LIMS2: variants seen among roughly 807,000 people sequenced by gnomAD.
The protein encoded by LIMS2 is LIM and senescent cell antigen-like-containing domain protein 2.
Under a neutral mutation model 45.3 loss-of-function variants are expected in LIMS2, and 30 were observed. That is an observed-to-expected ratio of 0.66 (90% CI 0.50 to 0.90). LIMS2 has a LOEUF of 0.90. Among genes scored for constraint, LIMS2 ranks in the 40% least tolerant of loss-of-function variants. The pLI, the probability that LIMS2 is intolerant of heterozygous loss-of-function variation, is 0.00. For synonymous variants in LIMS2, 173 were observed against 188.0 expected, an observed-to-expected ratio of 0.92 and a Z score of 0.65; for missense variants, 485 against 468.7, an observed-to-expected ratio of 1.03 and a Z score of -0.32.
rs1441515651 is a variant in LIMS2 at position 127,664,458 on chromosome 2, AGGGGAGGCGCGGCCGCCT to A, written c.12-6914_12-6897del. The A allele has an allele frequency of 1.3e-5, 16 of 1,185,476 alleles. No individual in the cohort carries two copies. The highest frequency in any genetic ancestry group is 1.6e-5 in the African/African-American group (1 of 62,460). The allele number at this position is 1,185,476 out of a possible 1,614,324, so 73.4% of individuals were successfully genotyped here. On this transcript the variant is annotated intron_variant, in intron 1 of 9. Coordinates refer to ENST00000355119, the MANE Select transcript of LIMS2 (RefSeq NM_001161403.3). The surrounding 1 kb of genome is among the most constrained non-coding windows in gnomAD (Gnocchi z 5.5). ...TGCAGGGGCTATGGGACCACCTCGG[AGGGGAGGCGCGGCCGCCT>A]GGGGCCAGACACCAAGACGGGACGG... is the stretch of plus-strand genomic sequence containing the variant.
At chr2:127,650,436 C>T in intron 4 of LIMS2, 3 of 548,638 alleles carry the variant, frequency 5.5e-6, no homozygotes, top group South Asian at 2.4e-5. Flanking sequence ...GTCCTCCCAG[C>T]TCTGAGGAGC....
intron 6 of LIMS2, chr2:127,641,218 G>T: frequency 1.9e-6 from 1 of 513,586 alleles, no homozygotes; most frequent in Non-Finnish European, 3.5e-6. Context: ...GAATGCCCTG[G>T]GGTCAGCAGA....
chr2:127,660,563 C>T (rs1166566142), intron 1 of LIMS2, among the ~76,000 whole-genome samples: 1 of 152,190 alleles, frequency 6.6e-6, no homozygotes. Context: ...TGAGCCTTCA[C>T]TTCTGAAGTC....
chr2:127,675,895 G>A (rs1178726623), upstream of LIMS2, among the ~76,000 whole-genome samples: 1 of 152,228 alleles, frequency 6.6e-6, no homozygotes, highest in South Asian at 2.1e-4. Context: ...CCCCCGTTGC[G>A]GGCCATCGCC....
At chr2:127,661,415 C>T (rs746545704) in intron 1 of LIMS2, among the ~76,000 whole-genome samples, 1 of 152,242 alleles carries the variant, frequency 6.6e-6, no homozygotes, top group South Asian at 2.1e-4. Context: ...TTCCAGAGTC[C>T]CTCTGCATGG....
Position 127,647,297 on chromosome 2 carries a change from A to T in LIMS2, c.360-4225T>A, listed in dbSNP as rs980486546. On this transcript the variant is annotated intron_variant, in intron 4 of 9. Transcript: ENST00000355119. This position sits in a 1 kb window ranked among gnomAD's most constrained non-coding sequence, Gnocchi z 4.3. ...AACTCCATGGCAAACTCTGAGACTG[A>T]GTCACACTCCCCACCCTGGCGGTCT... Among the ~76,000 whole-genome samples the T allele has an allele frequency of 6.6e-6, 1 of 152,096 alleles. No homozygotes were observed. Among genetic ancestry groups the T allele is most frequent in the Admixed American group, 6.5e-5 (1 of 15,286 alleles).
intron 1 of LIMS2, among the ~76,000 whole-genome samples, chr2:127,669,409 A>G (rs1477155030): frequency 6.6e-6 from 1 of 152,218 alleles, no homozygotes; most frequent in Non-Finnish European, 1.5e-5. Flanking sequence ...GATCCACAGA[A>G]AAGGAAAAAA....
intron 1 of LIMS2, chr2:127,673,942 C>G (rs1003888550): frequency 3.5e-5 from 20 of 572,520 alleles, no homozygotes; most frequent in African/African-American, 3.4e-4. Flanking sequence ...GTCAGGGGAG[C>G]TAACTGGGAA....
At position 127,654,899 on chromosome 2, in the gene LIMS2, G is replaced by A; in HGVS notation, c.172-3C>T. The A allele has an allele frequency of 6.2e-7, 1 of 1,613,728 alleles. No individual in the cohort carries two copies. The highest frequency in any genetic ancestry group is 8.5e-7 in the Non-Finnish European group (1 of 1,179,776). On this transcript the variant is annotated splice_polypyrimidine_tract_variant and splice_region_variant and intron_variant, in intron 2 of 9. Coordinates refer to ENST00000355119, the MANE Select transcript of LIMS2 (RefSeq NM_001161403.3). ...TCGCAGTACTTCCGGCCTTCAAACT[G>A]CAAAGGGGTCGCAGAGAGAGGACAA...
chr2:127,664,855 G>A lies in LIMS2; in HGVS notation c.12-7293C>T, dbSNP rs969726547. ...TCCCTGCCAACAGTTAGGAAACCGA[G>A]GACCGGAGCCACACAGGCCCACATT... On this transcript the variant is annotated intron_variant, in intron 1 of 9. Transcript: ENST00000355119. The surrounding 1 kb of genome is among the most constrained non-coding windows in gnomAD (Gnocchi z 5.5). Among the ~76,000 whole-genome samples the A allele has an allele frequency of 6.6e-6, 1 of 152,200 alleles. No individual in the cohort carries two copies. Among genetic ancestry groups the A allele is most frequent in the Admixed American group, 6.5e-5 (1 of 15,282 alleles).
intron 4 of LIMS2, chr2:127,650,093 A>G: frequency 6.3e-7 from 1 of 1,593,534 alleles, no homozygotes. Context: ...AAAAGAGTAG[A>G]CCTCTGACGT....
intron 4 of LIMS2, chr2:127,650,500 C>T: frequency 3.5e-6 from 2 of 572,278 alleles, no homozygotes; most frequent in South Asian, 4.7e-5. Flanking sequence ...AATTCCAAGC[C>T]CTGGTTCTGC....
chr2:127,640,420 A>G, intron 7 of LIMS2, 102 bp from the exon 8 acceptor site: 2 of 1,287,998 alleles, frequency 1.6e-6, no homozygotes, highest in South Asian at 2.5e-5. Flanking sequence ...CCTCTCAGGC[A>G]TCTCCCAGGC....
At position 127,653,219 on chromosome 2, in the gene LIMS2, G is replaced by A. The variant is rs1683979067; in HGVS notation, c.359+1205C>T. The stretch of plus-strand genomic sequence containing the variant: ...CTCGGTAGTGTCGGGGAAGCATCTC[G>A]GAGGAGCTGCGGGAGGGAGCAGAGT... On this transcript the variant is annotated intron_variant, in intron 4 of 9. Transcript: ENST00000355119. The surrounding 1 kb of genome is among the most constrained non-coding windows in gnomAD (Gnocchi z 5.3). Among the ~76,000 whole-genome samples the A allele has an allele frequency of 6.6e-6, 1 of 152,208 alleles. No individual in the cohort carries two copies.
intron 1 of LIMS2, among the ~76,000 whole-genome samples, chr2:127,660,950 G>T (rs1013224904): frequency 6.6e-6 from 1 of 152,082 alleles, no homozygotes; most frequent in East Asian, 1.9e-4. Flanking sequence ...ATGTGGGGGT[G>T]GCCACCTCCT....
chr2:127,648,036 C>G (rs1419581551), intron 4 of LIMS2: 2 of 985,896 alleles, frequency 2.0e-6, no homozygotes, highest in East Asian at 2.3e-4. Flanking sequence ...GCATCACTCA[C>G]CCCGCCTTCT....
chr2:127,645,475 G>A (rs1240732315), intron 4 of LIMS2, among the ~76,000 whole-genome samples: 10 of 152,328 alleles, frequency 6.6e-5, no homozygotes, highest in African/African-American at 2.2e-4. Flanking sequence ...CCCCAGGGAG[G>A]AGCCCCAGGC....
chr2:127,642,166 C>T lies in LIMS2; in HGVS notation c.543G>A (p.Lys181=). 2 of 1,580,170 alleles carry T rather than the reference C, an allele frequency of 1.3e-6. No homozygotes were observed. The highest frequency in any genetic ancestry group is 1.7e-6 in the Non-Finnish European group (2 of 1,159,136). ...KELTAEAREL[K]GELYCLPCHD... is the part of the protein sequence containing the mutation. ...GGCAGGGCAGGCAGTAGAGCTCACCCTTCAGCTCGCGGGCCTCGGCTGTCA... is the reference window on the plus strand; with the variant it reads ...GGCAGGGCAGGCAGTAGAGCTCACCTTTCAGCTCGCGGGCCTCGGCTGTCA... The change falls in exon 6 of 10, where the codon AAG becomes AAA. Residue 181 remains lysine (K), a synonymous_variant. Coordinates refer to ENST00000355119, the MANE Select transcript of LIMS2 (RefSeq NM_001161403.3). The surrounding 1 kb of genome is among the most constrained non-coding windows in gnomAD (Gnocchi z 5.3).
At chr2:127,674,133 C>T (rs1685403458) in intron 1 of LIMS2, 1 of 199,968 alleles carries the variant, frequency 5.0e-6, no homozygotes, top group Admixed American at 5.4e-5. Context: ...GGACACTGCC[C>T]TGTACCCTCC....
Sources: allele counts gnomAD v4.1 joint callset (sites outside exome capture counted in the v4.1 genomes callset), GRCh38; gene constraint gnomAD v4.1.1; non-coding constraint Gnocchi (gnomAD v3.1); transcripts MANE v1.5; gene names NCBI Gene and HGNC (gene_info 2026-07-23, HGNC 2026-07-21).